Variants in C11orf65 observed in about 807,000 individuals in gnomAD.
The protein encoded by C11orf65 is protein MFI.
A neutral mutation model predicts 35.3 loss-of-function variants in C11orf65; 38 were observed. The ratio of observed to expected loss-of-function variants is 1.08; its 90% CI spans 0.83 to 1.41. The LOEUF (loss-of-function observed/expected upper bound fraction) is 1.41, where lower values mean the gene tolerates loss of function less well. Ranked by LOEUF, C11orf65 falls within the 40% of genes most tolerant of loss-of-function variation. C11orf65 has a pLI of 0.00. For missense variants in C11orf65, 370 were observed against 367.1 expected, an observed-to-expected ratio of 1.01 and a Z score of -0.06; for synonymous variants, 105 against 114.4, an observed-to-expected ratio of 0.92 and a Z score of 0.53.
At chr11:108,400,200 C>T (rs2092412304) in intron 6 of C11orf65, among the ~76,000 whole-genome samples, 1 of 152,180 alleles carries the variant, frequency 6.6e-6, no homozygotes, top group African/African-American at 2.4e-5. Flanking sequence ...GAGAGGGCCT[C>T]TAAGTGTTGT....
chr11:108,467,613 A>G (rs4753840), upstream of C11orf65: 18,110 of 152,050 alleles, frequency 0.12, 1,377 homozygotes, highest in Non-Finnish European at 0.15. Flanking sequence ...GCGCTCTGAC[A>G]AAGTGCAGGG....
intron 2 of C11orf65, among the ~76,000 whole-genome samples, chr11:108,360,277 C>T (rs550359788): frequency 2.0e-5 from 3 of 151,412 alleles, no homozygotes; most frequent in Admixed American, 1.3e-4. Flanking sequence ...AGACCAGTAA[C>T]AGGAGCTGAA....
downstream of C11orf65, among the ~76,000 whole-genome samples, chr11:108,378,505 T>G: frequency 7.8e-6 from 1 of 127,856 alleles, no homozygotes; most frequent in Non-Finnish European, 1.6e-5. Flanking sequence ...GACTTAAACG[T>G]TAGACCTAAA....
At chr11:108,468,916 C>G (rs748770867), upstream of C11orf65, among the ~76,000 whole-genome samples, 3 of 152,056 alleles carry the variant, frequency 2.0e-5, no homozygotes, top group Non-Finnish European at 4.4e-5. Context: ...CCAGCCTGGA[C>G]AACATGGTGA....
chr11:108,405,082 T>A (rs1440814096), intron 6 of C11orf65, among the ~76,000 whole-genome samples: 1 of 152,240 alleles, frequency 6.6e-6, no homozygotes, highest in Non-Finnish European at 1.5e-5. Flanking sequence ...AAGCCTTTGA[T>A]GTGTGCTTTT....
downstream of C11orf65, among the ~76,000 whole-genome samples, chr11:108,331,033 ACAGT>A (rs558445102): frequency 5.3e-5 from 8 of 152,316 alleles, no homozygotes; most frequent in South Asian, 1.7e-3. Flanking sequence ...CATAATAGAT[ACAGT>A]CAATCTCTGC....
intron 2 of C11orf65, among the ~76,000 whole-genome samples, chr11:108,442,744 A>C (rs1194088955): frequency 6.6e-6 from 1 of 152,174 alleles, no homozygotes; most frequent in Non-Finnish European, 1.5e-5. Context: ...CAGTGAAGGA[A>C]AAATAAAATA....
At chr11:108,357,612 T>G (rs1326873837) in intron 2 of C11orf65, among the ~76,000 whole-genome samples, 10 of 152,170 alleles carry the variant, frequency 6.6e-5, no homozygotes, top group Non-Finnish European at 1.2e-4. Context: ...ACAGGCAGAC[T>G]GCCTCCTCAA....
intron 6 of C11orf65, among the ~76,000 whole-genome samples, chr11:108,396,175 CT>C (rs1346074844): frequency 6.6e-6 from 1 of 152,098 alleles, no homozygotes; most frequent in African/African-American, 2.4e-5. Context: ...TCACTGTAAC[CT>C]CTGCCTCCTG....
intron 6 of C11orf65, among the ~76,000 whole-genome samples, chr11:108,398,186 G>A (rs2092363788): frequency 6.6e-6 from 1 of 152,152 alleles, no homozygotes; most frequent in Admixed American, 6.6e-5. Context: ...TTTATACAGA[G>A]AAGACGAAGG....
At chr11:108,382,402 AAAAGG>A (rs1166312293), downstream of C11orf65, among the ~76,000 whole-genome samples, 1 of 152,196 alleles carries the variant, frequency 6.6e-6, no homozygotes, top group African/African-American at 2.4e-5. Flanking sequence ...GGAAAATGAA[AAAAGG>A]AAAGGGCAAC....
Position 108,393,348 on chromosome 11 carries a change from TGA to T in C11orf65, c.589_590del (p.Ser197AsnfsTer4). The part of the protein sequence containing the change: ...MYYSGSLEAK[S>X]THHETLGLIH... ...TTAGTCCTAGAGTTTCATGATGTGT[TGA>T]CTTAGCCTCCAGACTTCCTGAGTAG... is the stretch of plus-strand genomic sequence containing the variant. On this transcript the variant is annotated frameshift_variant, in exon 7 of 9. Transcript: ENST00000393084. LOFTEE classifies it high-confidence loss of function. The T allele has an allele frequency of 6.2e-7, 1 of 1,614,064 alleles. No homozygotes were observed. Among genetic ancestry groups the T allele is most frequent in the Admixed American group, 1.7e-5 (1 of 60,000 alleles).
In C11orf65 at chr11:108,316,193, C is replaced by T. The variant is rs1484371923; in HGVS notation, c.641-7122G>A. Reference sequence around the variant, plus strand: ...TTCAGTATGTTGGTGGATATTTACACAGCCAGATAAACTCTAGAGATAAGA... The same window carrying T: ...TTCAGTATGTTGGTGGATATTTACATAGCCAGATAAACTCTAGAGATAAGA... On this transcript the variant is annotated intron_variant, in intron 6 of 6. Coordinates refer to the C11orf65 transcript ENST00000525729. 7.8e-6 allele frequency: 10 copies of T among 1,277,292 alleles called. No homozygotes were observed. In the East Asian group the frequency reaches 1.7e-4, roughly 22 times the overall value. 79.1% of individuals were successfully genotyped at this position (1,277,292 alleles called of 1,614,324 possible). A position where few individuals can be genotyped will look rare whatever the true frequency, so the allele number is the denominator to read the frequency against.
At chr11:108,451,495 A>G (rs559211306) in intron 2 of C11orf65, among the ~76,000 whole-genome samples, 1,999 of 151,900 alleles carry the variant, frequency 0.013, 73 homozygotes, top group African/African-American at 0.045. Flanking sequence ...ACTGCTCAAC[A>G]AAATAAAAGA....
intron 5 of C11orf65, 44 bp downstream of exon 5, chr11:108,406,717 GTT>G: frequency 8.4e-7 from 1 of 1,197,104 alleles, no homozygotes; most frequent in Non-Finnish European, 1.2e-6. Context: ...AGACAAATGG[GTT>G]TCTAAATACG....
intron 1 of C11orf65, among the ~76,000 whole-genome samples, chr11:108,464,988 C>T (rs903411429): frequency 4.6e-5 from 7 of 151,978 alleles, no homozygotes; most frequent in African/African-American, 1.5e-4. Flanking sequence ...AAAAACTAAA[C>T]GTAAATTAGA....
At chr11:108,393,891 G>A (rs1441249027) in intron 6 of C11orf65, among the ~76,000 whole-genome samples, 1 of 152,092 alleles carries the variant, frequency 6.6e-6, no homozygotes, top group African/African-American at 2.4e-5. Flanking sequence ...TTTTTAAAAA[G>A]ACACAGCCAG....
chr11:108,315,467 A>AATGTG (rs1219210830), intron 6 of C11orf65, among the ~76,000 whole-genome samples: 9 of 152,184 alleles, frequency 5.9e-5, no homozygotes, highest in African/African-American at 2.2e-4. Flanking sequence ...CAAATGATGG[A>AATGTG]ATGTGTAGAC....
intron 2 of C11orf65, among the ~76,000 whole-genome samples, chr11:108,442,083 G>C (rs932215201): frequency 2.0e-5 from 3 of 152,102 alleles, no homozygotes; most frequent in Non-Finnish European, 4.4e-5. Flanking sequence ...CTTGAAAAAA[G>C]ATGAGATGAA....
Sources: gnomAD v4.1 joint callset for allele counts (sites outside exome capture counted in the v4.1 genomes callset) on GRCh38, gnomAD v4.1.1 for gene constraint, MANE v1.5 for transcripts, NCBI Gene and HGNC (gene_info 2026-07-23, HGNC 2026-07-21) for gene names.